Variants in ALPK3 observed in about 807,000 individuals in gnomAD.
ALPK3 encodes the protein alpha-protein kinase 3.
A neutral mutation model predicts 140.0 loss-of-function variants in ALPK3; 102 were observed. The observed-to-expected ratio is 0.73, with a 90% CI of 0.62 to 0.86. The LOEUF is 0.86. ALPK3 is among the 40% of genes least tolerant of loss of function. The pLI is 0.00. For synonymous variants in ALPK3, 938 were observed against 898.5 expected, an observed-to-expected ratio of 1.04 and a Z score of -0.79; for missense variants, 2,254 against 2,208.2, an observed-to-expected ratio of 1.02 and a Z score of -0.42.
intron 5 of ALPK3, among the ~76,000 whole-genome samples, chr15:84,847,179 C>G (rs1963739833): frequency 1.4e-5 from 2 of 146,654 alleles, no homozygotes; most frequent in South Asian, 4.4e-4. Flanking sequence ...CATACACGCA[C>G]AGAGAGAGAG....
chr15:84,823,325 C>G lies in ALPK3; in HGVS notation c.144-5C>G. 3 of 1,614,170 alleles carry G rather than the reference C, an allele frequency of 1.9e-6. No individual in the cohort carries two copies. The South Asian group carries it at 3.3e-5, about 18-fold the overall frequency. Reference sequence around the variant, plus strand: ...CTAATGATTCCATTTGCTGTTTTTGCTTAGCTTATCAAGCAACCGGTTGTC... The same window carrying G: ...CTAATGATTCCATTTGCTGTTTTTGGTTAGCTTATCAAGCAACCGGTTGTC... On this transcript the variant is annotated splice_region_variant and splice_polypyrimidine_tract_variant and intron_variant, in intron 1 of 13. Transcript: ENST00000258888.
At chr15:84,820,447 G>A (rs565597134) in intron 1 of ALPK3, among the ~76,000 whole-genome samples, 3 of 152,048 alleles carry the variant, frequency 2.0e-5, no homozygotes, top group Non-Finnish European at 2.9e-5. Context: ...CTAGTTTTCC[G>A]TAGCCTACTT....
chr15:84,826,922 T>C (rs1159965158), intron 2 of ALPK3, among the ~76,000 whole-genome samples: 2 of 152,178 alleles, frequency 1.3e-5, no homozygotes, highest in African/African-American at 2.4e-5. Context: ...ACCCCTAGCA[T>C]TGGCCAGCTT....
chr15:84,868,025 C>A, intron 13 of ALPK3, 86 bp from the exon 14 acceptor site: 1 of 1,373,118 alleles, frequency 7.3e-7, no homozygotes, highest in Non-Finnish European at 1.0e-6. Context: ...GCACGACATC[C>A]TGATGATGGC....
chr15:84,856,301 A>G (rs1368775487), intron 5 of ALPK3, 91 bp from the exon 6 acceptor site: 1 of 1,506,088 alleles, frequency 6.6e-7, no homozygotes, highest in Non-Finnish European at 8.9e-7. Context: ...GAGCAGTTGT[A>G]GATGAGGTCC....
At position 84,868,813 on chromosome 15, in the gene ALPK3, G is replaced by A; in HGVS notation, c.*357G>A. 1 of 273,408 alleles carries A rather than the reference G, an allele frequency of 3.7e-6. No homozygotes were observed. The allele number at this position is 273,408 out of a possible 1,614,324, so 16.9% of individuals were successfully genotyped here. A position where few individuals can be genotyped will look rare whatever the true frequency, so the allele number is the denominator to read the frequency against. On this transcript the variant is annotated 3_prime_UTR_variant, in exon 14 of 14. Coordinates refer to ENST00000258888, the MANE Select transcript of ALPK3 (RefSeq NM_020778.5). ...TTCTGCACCCCAAGCCCTTGCCCCA[G>A]CCCAGTCCAGCAGCAGATGTTACAA... is the stretch of plus-strand genomic sequence containing the variant.
rs561031407 is a variant in ALPK3, at chr15:84,857,862, G to A, written c.3124G>A (p.Gly1042Ser). Residue 1042 changes from glycine (G) to serine (S), a missense_variant, in exon 6 of 14, where the codon GGC (glycine) becomes AGC (serine). Gly to Ser is a moderately conservative substitution (Grantham distance 56). Around this residue, in one of 3 missense-constraint regions of ALPK3, gnomAD observed 2,088 missense variants for 2,022.9 expected, o/e 1.03. Coordinates refer to ENST00000258888, the MANE Select transcript of ALPK3 (RefSeq NM_020778.5). ...LSPCTSRRLTGLLDREVQAGR... is the reference protein window; with the variant it reads ...LSPCTSRRLTSLLDREVQAGR... ...CCCCTGTACCTCCCGCCGCCTCACC[G>A]GCCTCCTGGACCGTGAGGTGCAGGC... The A allele has an allele frequency of 5.6e-5, 90 of 1,612,158 alleles. No homozygotes were observed. The East Asian group carries it at 8.7e-4, about 16-fold the overall frequency.
At chr15:84,844,376 C>T (rs868115136) in intron 5 of ALPK3, among the ~76,000 whole-genome samples, 18 of 151,940 alleles carry the variant, frequency 1.2e-4, no homozygotes, top group South Asian at 6.2e-4. Context: ...TACTGCACTC[C>T]AGCCTCGGTG....
rs1279942558 is a variant in ALPK3 at position 84,857,539 on chromosome 15, G to A, written c.2801G>A (p.Gly934Glu). ...PPETMATSSE[G>E]ACAQVPDVEG... Reference sequence around the variant, plus strand: ...GAAACCATGGCCACCAGCAGTGAGGGGGCCTGCGCCCAGGTACCAGATGTG... The same window carrying A: ...GAAACCATGGCCACCAGCAGTGAGGAGGCCTGCGCCCAGGTACCAGATGTG... Residue 934 changes from glycine to glutamate, a missense_variant, in exon 6 of 14, where the codon GGG becomes GAG. Gly to Glu is a moderately conservative substitution (Grantham distance 98). This residue lies in a region of ALPK3 where 2,088 missense variants were observed against 2,022.9 expected (regional missense o/e 1.03). Transcript: ENST00000258888. The A allele has an allele frequency of 6.3e-7, 1 of 1,588,338 alleles. No homozygotes were observed. Among genetic ancestry groups the A allele is most frequent in the Non-Finnish European group, 8.6e-7 (1 of 1,166,498 alleles).
chr15:84,826,802 A>T (rs373219748), intron 2 of ALPK3, among the ~76,000 whole-genome samples: 7 of 152,082 alleles, frequency 4.6e-5, no homozygotes, highest in South Asian at 2.1e-4. Context: ...GTATCCAGGG[A>T]TGGAGCAGGG....
At chr15:84,828,888 C>G (rs1461244958) in intron 3 of ALPK3, among the ~76,000 whole-genome samples, 1 of 152,180 alleles carries the variant, frequency 6.6e-6, no homozygotes, top group Non-Finnish European at 1.5e-5. Context: ...CTGCTTCCCG[C>G]CTGCATCTCC....
chr15:84,823,456 A>G (rs1963451128), intron 2 of ALPK3, 88 bp downstream of exon 2: 2 of 1,433,788 alleles, frequency 1.4e-6, no homozygotes, highest in African/African-American at 2.8e-5. Context: ...TCGTGCACTA[A>G]CCAGGCTGCA....
intron 4 of ALPK3, 41 bp from the exon 5 acceptor site, chr15:84,839,661 C>T: frequency 1.3e-6 from 2 of 1,551,018 alleles, no homozygotes; most frequent in Non-Finnish European, 1.7e-6. Flanking sequence ...GCTCTCACCT[C>T]CCAGGAGGGG....
intron 3 of ALPK3, among the ~76,000 whole-genome samples, chr15:84,838,289 C>T (rs1567089011): frequency 6.6e-6 from 1 of 152,104 alleles, no homozygotes; most frequent in Non-Finnish European, 1.5e-5. Context: ...GGAGGAGACC[C>T]CTGAGGATAG....
intron 13 of ALPK3, 87 bp from the exon 14 acceptor site, chr15:84,868,024 C>A: frequency 7.4e-7 from 1 of 1,358,386 alleles, no homozygotes; most frequent in Non-Finnish European, 1.0e-6. Context: ...AGCACGACAT[C>A]CTGATGATGG....
Position 84,864,429 on chromosome 15 carries a change from A to C in ALPK3, c.4500-13A>C. On this transcript the variant is annotated splice_polypyrimidine_tract_variant and intron_variant, in intron 11 of 13. Coordinates refer to ENST00000258888, the MANE Select transcript of ALPK3 (RefSeq NM_020778.5). ...CATACTTCCTGCTTACTGCAGGGTG[A>C]AACTATGTTTAGGATCATCCCACTG... 1.2e-6 allele frequency: 2 copies of C among 1,610,594 alleles called. No individual in the cohort carries two copies. Among genetic ancestry groups the C allele is most frequent in the African/African-American group, 2.7e-5 (2 of 74,966 alleles).
rs553688307 is a variant in ALPK3, at chr15:84,868,798, C to G, written c.*342C>G. The stretch of plus-strand genomic sequence containing the variant: ...AGTCCTCTGCATGAGTTCTGCACCC[C>G]AAGCCCTTGCCCCAGCCCAGTCCAG... On this transcript the variant is annotated 3_prime_UTR_variant, in exon 14 of 14. Transcript: ENST00000258888. 3.2e-6 allele frequency: 1 copy of G among 316,046 alleles called. No individual in the cohort carries two copies. Among genetic ancestry groups the G allele is most frequent in the East Asian group, 6.4e-5 (1 of 15,658 alleles). The allele number at this position is 316,046 out of a possible 1,614,324, so 19.6% of individuals were successfully genotyped here. A position where few individuals can be genotyped will look rare whatever the true frequency, so the allele number is the denominator to read the frequency against.
chr15:84,833,565 A>C (rs1212266373), intron 3 of ALPK3, among the ~76,000 whole-genome samples: 1 of 152,204 alleles, frequency 6.6e-6, no homozygotes, highest in Non-Finnish European at 1.5e-5. Flanking sequence ...GCTTGTCTCC[A>C]GAGTGACCAT....
chr15:84,852,578 TA>T, intron 5 of ALPK3: 1 of 301,668 alleles, frequency 3.3e-6, no homozygotes, highest in East Asian at 1.0e-4. Flanking sequence ...CTCACAGCGT[TA>T]AGAGCTCTTG....
Sources: allele counts gnomAD v4.1 joint callset (sites outside exome capture counted in the v4.1 genomes callset), GRCh38; gene constraint gnomAD v4.1.1; regional missense constraint gnomAD v4.1.1; transcripts MANE v1.5; gene names NCBI Gene and HGNC (gene_info 2026-07-23, HGNC 2026-07-21).